The following RALGPS1 variants were observed in gnomAD, a reference collection of about 807,000 sequenced individuals.
The protein encoded by RALGPS1 is ras-specific guanine nucleotide-releasing factor RalGPS1.
RALGPS1 carries 19 observed loss-of-function variants against 78.8 expected under a neutral mutation model. That is an observed-to-expected ratio of 0.24 (90% CI 0.17 to 0.35). The LOEUF is 0.35. RALGPS1 is among the 10% of genes least tolerant of loss of function. RALGPS1 has a pLI of 1.00. For synonymous variants in RALGPS1, 228 were observed against 256.3 expected (o/e 0.89, Z 1.06); for missense variants, 454 against 688.3 (o/e 0.66, Z 3.81).
chr9:127,145,449 T>C (rs1053381115), intron 8 of RALGPS1, among the ~76,000 whole-genome samples: 4 of 152,218 alleles, frequency 2.6e-5, no homozygotes, highest in Admixed American at 2.0e-4. Context: ...ACTGGTGATA[T>C]CTGCTACCCT....
intron 6 of RALGPS1, among the ~76,000 whole-genome samples, chr9:127,051,919 T>C (rs2048332339): frequency 6.6e-6 from 1 of 152,184 alleles, no homozygotes; most frequent in South Asian, 2.1e-4. Flanking sequence ...AAGGGGCAAC[T>C]GAGCTTGGAA....
At chr9:127,024,036 C>CAAAAAAAAA (rs61549879) in intron 4 of RALGPS1, among the ~76,000 whole-genome samples, 12,262 of 70,890 alleles carry the variant, frequency 0.17, 2,063 homozygotes, top group South Asian at 0.36. Flanking sequence ...GACTCTGTCT[C>CAAAAAAAAA]AAAAAAAAAA....
intron 4 of RALGPS1, among the ~76,000 whole-genome samples, chr9:127,017,928 T>G (rs1011955595): frequency 2.0e-5 from 3 of 152,064 alleles, no homozygotes; most frequent in Non-Finnish European, 4.4e-5. Context: ...TAATAATGCC[T>G]TCTTCTGGCC....
chr9:126,935,947 C>T (rs1345767675), intron 1 of RALGPS1, among the ~76,000 whole-genome samples: 1 of 152,246 alleles, frequency 6.6e-6, no homozygotes, highest in Non-Finnish European at 1.5e-5. Context: ...TGGTGGGATC[C>T]TGCCAGTCCC....
intron 8 of RALGPS1, among the ~76,000 whole-genome samples, chr9:127,126,737 C>T (rs913497114): frequency 6.6e-6 from 1 of 152,148 alleles, no homozygotes; most frequent in Admixed American, 6.5e-5. Context: ...ATTCCATATC[C>T]ACTGATTCAT....
At chr9:127,032,612 C>G (rs1000704841) in intron 4 of RALGPS1, among the ~76,000 whole-genome samples, 1 of 152,182 alleles carries the variant, frequency 6.6e-6, no homozygotes, top group Non-Finnish European at 1.5e-5. Context: ...GCAATAATAA[C>G]ATATATTTGC....
chr9:127,100,368 T>G (rs2053593594), intron 8 of RALGPS1, among the ~76,000 whole-genome samples: 1 of 152,206 alleles, frequency 6.6e-6, no homozygotes, highest in Non-Finnish European at 1.5e-5. Context: ...CTGTTTCTGC[T>G]CATTTGACCT....
At chr9:127,158,887 A>G (rs1256096467) in intron 8 of RALGPS1, among the ~76,000 whole-genome samples, 1 of 151,600 alleles carries the variant, frequency 6.6e-6, no homozygotes, top group East Asian at 1.9e-4. Context: ...AATTATTTTT[A>G]AAAATTTGTT....
chr9:127,181,475 TGAGGCTCTGTC>T (rs1412912532), intron 11 of RALGPS1, among the ~76,000 whole-genome samples: 1 of 152,246 alleles, frequency 6.6e-6, no homozygotes, highest in Non-Finnish European at 1.5e-5. Context: ...GGACAGCCTC[TGAGGCTCTGTC>T]CCCACAGCTC....
chr9:127,155,600 G>T (rs1306105171), intron 8 of RALGPS1, among the ~76,000 whole-genome samples: 1 of 152,170 alleles, frequency 6.6e-6, no homozygotes, highest in Non-Finnish European at 1.5e-5. Flanking sequence ...TTGCCTGTTG[G>T]GATAGAAAGC....
chr9:127,185,838 A>G (rs1321479838), intron 11 of RALGPS1, among the ~76,000 whole-genome samples: 2 of 152,214 alleles, frequency 1.3e-5, no homozygotes, highest in African/African-American at 4.8e-5. Flanking sequence ...GGACTCAGGA[A>G]AAGTTTGTCA....
At chr9:127,016,806 C>A (rs535207206) in intron 4 of RALGPS1, 1 of 152,316 alleles carries the variant, frequency 6.6e-6, no homozygotes, top group Admixed American at 6.5e-5. Flanking sequence ...TGCCTTGGCT[C>A]CAACCTCACT....
intron 3 of RALGPS1, among the ~76,000 whole-genome samples, chr9:126,976,388 C>A (rs1263453475): frequency 1.1e-5 from 1 of 90,400 alleles, no homozygotes; most frequent in African/African-American, 2.6e-5. Flanking sequence ...TATACGCTTA[C>A]ACTCACATTC....
In RALGPS1 at chr9:126,941,117, A is replaced by G. The variant is rs2036737519; in HGVS notation, c.-65-21108A>G. Among the ~76,000 whole-genome samples, 4 of 125,444 alleles carry G rather than the reference A, an allele frequency of 3.2e-5. No homozygotes were observed. In the South Asian group the frequency reaches 1.2e-3, roughly 39 times the overall value. 82.3% of individuals were successfully genotyped at this position (125,444 alleles called of 152,430 possible). ...TTCAAGTGTCATTTTCTCAGTGAGGACTTCTCATATACGCCCCCCCCCTTT... is the reference window on the plus strand; with the variant it reads ...TTCAAGTGTCATTTTCTCAGTGAGGGCTTCTCATATACGCCCCCCCCCTTT... On this transcript the variant is annotated intron_variant, in intron 1 of 18. Transcript: ENST00000259351.
intron 8 of RALGPS1, among the ~76,000 whole-genome samples, chr9:127,164,234 CTTG>C (rs758652308): frequency 1.3e-5 from 2 of 151,854 alleles, no homozygotes; most frequent in Non-Finnish European, 2.9e-5. Flanking sequence ...GAAAACCAAG[CTTG>C]TTATTATTAT....
chr9:127,102,997 T>C (rs1328570531), intron 8 of RALGPS1, among the ~76,000 whole-genome samples: 3 of 152,170 alleles, frequency 2.0e-5, no homozygotes, highest in African/African-American at 7.2e-5. Flanking sequence ...TCACCCTCAC[T>C]CGCCACCATC....
intron 4 of RALGPS1, among the ~76,000 whole-genome samples, chr9:126,988,952 C>A (rs1038773131): frequency 6.6e-6 from 1 of 151,968 alleles, no homozygotes; most frequent in Admixed American, 6.6e-5. Context: ...GCCAGAAGGG[C>A]CAGAGACAGC....
chr9:126,987,543 C>T (rs2041915158), intron 4 of RALGPS1, among the ~76,000 whole-genome samples: 1 of 152,182 alleles, frequency 6.6e-6, no homozygotes, highest in South Asian at 2.1e-4. Context: ...AAAGGCTTAC[C>T]AGAAGTCAGT....
intron 12 of RALGPS1, 131 bp downstream of exon 12, chr9:127,195,348 T>G: frequency 3.1e-6 from 4 of 1,276,882 alleles, no homozygotes; most frequent in Non-Finnish European, 3.2e-6. Flanking sequence ...ATGAGAGCTC[T>G]TGGAATCCTG....
Sources: allele counts gnomAD v4.1 joint callset (sites outside exome capture counted in the v4.1 genomes callset), GRCh38; gene constraint gnomAD v4.1.1; transcripts MANE v1.5; gene names NCBI Gene and HGNC (gene_info 2026-07-23, HGNC 2026-07-21).